CEP57: variants seen among roughly 807,000 people sequenced by gnomAD.
The protein encoded by CEP57 is centrosomal protein 57, also known as centrosomal protein of 57 kDa.
Under a neutral mutation model 68.0 loss-of-function variants are expected in CEP57, and 40 were observed. The observed-to-expected ratio is 0.59, with a 90% CI of 0.46 to 0.77. The LOEUF (loss-of-function observed/expected upper bound fraction) is 0.77, where lower values mean the gene tolerates loss of function less well. Ranked by LOEUF, CEP57 falls within the 30% of genes least tolerant of loss-of-function variation. CEP57 has a pLI of 0.00. For missense variants in CEP57, 606 were observed against 580.7 expected, an observed-to-expected ratio of 1.04 and a Z score of -0.45; for synonymous variants, 219 against 198.7, an observed-to-expected ratio of 1.10 and a Z score of -0.86.
At chr11:95,814,462 G>A (rs1289782924) in intron 4 of CEP57, among the ~76,000 whole-genome samples, 1 of 150,564 alleles carries the variant, frequency 6.6e-6, no homozygotes, top group Admixed American at 6.7e-5. Flanking sequence ...CCGGGTTCAA[G>A]TGATTCTCCT....
At position 95,831,419 on chromosome 11, in the gene CEP57, G is replaced by C; in HGVS notation, c.*163G>C. 1 of 594,500 alleles carries C rather than the reference G, an allele frequency of 1.7e-6. No homozygotes were observed. The highest frequency in any genetic ancestry group is 2.1e-5 in the South Asian group (1 of 47,266). 36.8% of individuals were successfully genotyped at this position (594,500 alleles called of 1,614,324 possible). ...CACAGGCTTTTCATGTATGCAGGATGACTCAATGTTAAAGCATTTAAATGG... is the reference window on the plus strand; with the variant it reads ...CACAGGCTTTTCATGTATGCAGGATCACTCAATGTTAAAGCATTTAAATGG... On this transcript the variant is annotated 3_prime_UTR_variant, in exon 11 of 11. Coordinates refer to ENST00000325542, the MANE Select transcript of CEP57 (RefSeq NM_014679.5).
At chr11:95,829,665 A>G (rs1336785420) in intron 10 of CEP57, among the ~76,000 whole-genome samples, 3 of 152,214 alleles carry the variant, frequency 2.0e-5, no homozygotes, top group African/African-American at 7.2e-5. Context: ...TTCCAAAGGA[A>G]TAAGTCATAC....
intron 10 of CEP57, 144 bp downstream of exon 10, chr11:95,829,475 G>C: frequency 1.1e-6 from 1 of 880,366 alleles, no homozygotes; most frequent in Non-Finnish European, 1.8e-6. Flanking sequence ...TGTTCATTGA[G>C]AATTGGTAAG....
At chr11:95,802,772 T>C (rs1367296349) in intron 2 of CEP57, among the ~76,000 whole-genome samples, 1 of 152,220 alleles carries the variant, frequency 6.6e-6, no homozygotes, top group Non-Finnish European at 1.5e-5. Context: ...AATAGTATTA[T>C]GAAAATAGTG....
chr11:95,818,958 T>A, intron 6 of CEP57, 54 bp downstream of exon 6: 1 of 1,338,010 alleles, frequency 7.5e-7, no homozygotes, highest in Non-Finnish European at 1.1e-6. Flanking sequence ...GCTTTTTGTG[T>A]ACAAGTAAAC....
chr11:95,816,065 A>G (rs536578315), intron 4 of CEP57, among the ~76,000 whole-genome samples: 13 of 152,276 alleles, frequency 8.5e-5, no homozygotes, highest in African/African-American at 2.9e-4. Flanking sequence ...TGCTATAAAG[A>G]GCACCCAAGA....
At chr11:95,809,459 T>A (rs1861953863) in intron 2 of CEP57, among the ~76,000 whole-genome samples, 1 of 152,118 alleles carries the variant, frequency 6.6e-6, no homozygotes, top group African/African-American at 2.4e-5. Flanking sequence ...CTAGCAAGAC[T>A]AATAAAGAAG....
chr11:95,817,557 C>T (rs1414735878), intron 4 of CEP57, among the ~76,000 whole-genome samples: 1 of 152,058 alleles, frequency 6.6e-6, no homozygotes, highest in East Asian at 1.9e-4. Context: ...GATAATGTCA[C>T]TATATAAAAC....
intron 2 of CEP57, among the ~76,000 whole-genome samples, chr11:95,810,154 T>C (rs1231679374): frequency 6.6e-6 from 1 of 152,200 alleles, no homozygotes; most frequent in East Asian, 1.9e-4. Flanking sequence ...TCAGCAGCCC[T>C]TCATGCTAAA....
At chr11:95,795,210 C>T (rs1037592171) in intron 1 of CEP57, among the ~76,000 whole-genome samples, 1 of 152,100 alleles carries the variant, frequency 6.6e-6, no homozygotes, top group Admixed American at 6.5e-5. Context: ...GATATTGACC[C>T]TTCTGTCTGA....
Position 95,831,321 on chromosome 11 carries a change from T to C in CEP57, c.*65T>C. The C allele has an allele frequency of 1.7e-6, 2 of 1,162,750 alleles. No individual in the cohort carries two copies. The highest frequency in any genetic ancestry group is 2.6e-5 in the South Asian group (2 of 77,422). 72.0% of individuals were successfully genotyped at this position (1,162,750 alleles called of 1,614,324 possible). ...CCTCATCAATCAGATGATGACAATT[T>C]ACTTCCCAGGTCTCATACTCACTTA... On this transcript the variant is annotated 3_prime_UTR_variant, in exon 11 of 11. Coordinates refer to ENST00000325542, the MANE Select transcript of CEP57 (RefSeq NM_014679.5).
In CEP57 at chr11:95,831,020, G is replaced by A. The variant is rs1862982888; in HGVS notation, c.1273-6G>A. Reference sequence around the variant, plus strand: ...TTTTCCTTCCTGCCTTGGTTATTTGGTATAGCTGGAGAAACAGAAGTTAGA... The same window carrying A: ...TTTTCCTTCCTGCCTTGGTTATTTGATATAGCTGGAGAAACAGAAGTTAGA... On this transcript the variant is annotated splice_region_variant and splice_polypyrimidine_tract_variant and intron_variant, in intron 10 of 10. Transcript: ENST00000325542. 6.3e-7 allele frequency: 1 copy of A among 1,594,936 alleles called. No homozygotes were observed. Among genetic ancestry groups the A allele is most frequent in the South Asian group, 1.1e-5 (1 of 90,518 alleles).
intron 1 of CEP57, among the ~76,000 whole-genome samples, chr11:95,793,943 A>G (rs559703930): frequency 6.6e-6 from 1 of 152,254 alleles, no homozygotes; most frequent in South Asian, 2.1e-4. Flanking sequence ...GAGATCTCCA[A>G]GACCCTCTCA....
chr11:95,813,115 T>C lies in CEP57; in HGVS notation c.382+4T>C, dbSNP rs572758334. On this transcript the variant is annotated splice_donor_region_variant and intron_variant, in intron 3 of 10. Coordinates refer to ENST00000325542, the MANE Select transcript of CEP57 (RefSeq NM_014679.5). Reference sequence around the variant, plus strand: ...GAGGAATCAAAGCACAATCAAGGTTTGTTGATGAAGAAAATTAAAATTCTA... The same window carrying C: ...GAGGAATCAAAGCACAATCAAGGTTCGTTGATGAAGAAAATTAAAATTCTA... 6.2e-7 allele frequency: 1 copy of C among 1,611,796 alleles called. No homozygotes were observed. Among genetic ancestry groups the C allele is most frequent in the East Asian group, 2.2e-5 (1 of 44,836 alleles).
At position 95,817,296 on chromosome 11, in the gene CEP57, G is replaced by T. The variant is rs548452606; in HGVS notation, c.505-491G>T. Among the ~76,000 whole-genome samples the T allele has an allele frequency of 2.9e-3, 440 of 152,238 alleles. 4 individuals are homozygous for T. The highest frequency in any genetic ancestry group is 0.01 in the African/African-American group (422 of 41,538). ...GCAGGAGAATGGCATGAACCTGGGA[G>T]GCGGAGCTTGCGGTGAGCCGAGATC... On this transcript the variant is annotated intron_variant, in intron 4 of 10. Coordinates refer to ENST00000325542, the MANE Select transcript of CEP57 (RefSeq NM_014679.5).
intron 8 of CEP57, 151 bp downstream of exon 8, chr11:95,822,727 A>T (rs1453050680): frequency 5.1e-5 from 25 of 488,448 alleles, no homozygotes; most frequent in Non-Finnish European, 9.5e-5. Flanking sequence ...AGATGTAGGG[A>T]GGTTTTTGGG....
chr11:95,790,884 C>G lies in CEP57; in HGVS notation c.45+141C>G, dbSNP rs1861010187. The G allele has an allele frequency of 3.0e-6, 3 of 989,850 alleles. 1 individual carries two copies. The highest frequency in any genetic ancestry group is 4.2e-4 in the Middle Eastern group (2 of 4,818). The allele number at this position is 989,850 out of a possible 1,614,324, so 61.3% of individuals were successfully genotyped here. Reference sequence around the variant, plus strand: ...GAATGCCTAGATTGCCCCGCGCTCCCCAAGCTTCCATTCACTGTGGCTGTG... The same window carrying G: ...GAATGCCTAGATTGCCCCGCGCTCCGCAAGCTTCCATTCACTGTGGCTGTG... On this transcript the variant is annotated intron_variant, in intron 1 of 10. Transcript: ENST00000325542.
At chr11:95,822,128 C>A in intron 7 of CEP57, 150 bp downstream of exon 7, 1 of 664,376 alleles carries the variant, frequency 1.5e-6, no homozygotes, top group Non-Finnish European at 2.7e-6. Context: ...ATAAGTAATA[C>A]CTACTCCTAA....
chr11:95,799,367 T>C lies in CEP57; in HGVS notation c.181T>C (p.Tyr61His), dbSNP rs1381185153. Residue 61 changes from tyrosine (Y) to histidine (H), a missense_variant, in exon 2 of 11, where the codon TAT becomes CAT. Coordinates refer to ENST00000325542, the MANE Select transcript of CEP57 (RefSeq NM_014679.5). ...CTCCCCAAGTAAGCCTACACTTGCC[T>C]ATCCAGAAAGCAACAGCAGAGGTAA... The part of the protein sequence containing the change: ...RRSPSKPTLA[Y>H]PESNSRAIFS... The C allele has an allele frequency of 1.2e-6, 2 of 1,614,042 alleles. No individual in the cohort carries two copies. Among genetic ancestry groups the C allele is most frequent in the Admixed American group, 1.7e-5 (1 of 60,028 alleles).
Sources: allele counts gnomAD v4.1 joint callset (sites outside exome capture counted in the v4.1 genomes callset), GRCh38; gene constraint gnomAD v4.1.1; transcripts MANE v1.5; gene names NCBI Gene and HGNC (gene_info 2026-07-23, HGNC 2026-07-21).